Variants in IGSF11 observed in about 807,000 individuals in gnomAD.
The protein encoded by IGSF11 is CXADR like 1.
A neutral mutation model predicts 41.0 loss-of-function variants in IGSF11; 22 were observed. The ratio of observed to expected loss-of-function variants is 0.54; its 90% confidence interval spans 0.38 to 0.77. The LOEUF is 0.77. Among genes scored for constraint, IGSF11 ranks in the 30% least tolerant of loss-of-function variants. IGSF11 has a pLI of 0.00. For missense variants in IGSF11, 444 were observed against 530.8 expected (o/e 0.84, Z 1.61); for synonymous variants, 219 against 201.3 (o/e 1.09, Z -0.74).
chr3:119,057,100 A>G (rs1458837518), intron 1 of IGSF11, among the ~76,000 whole-genome samples: 1 of 152,176 alleles, frequency 6.6e-6, no homozygotes, highest in East Asian at 1.9e-4. Context: ...CCTATTCAAC[A>G]TAGTGTTGGA....
chr3:118,970,652 G>C (rs1933285805), intron 1 of IGSF11, among the ~76,000 whole-genome samples: 1 of 151,652 alleles, frequency 6.6e-6, no homozygotes, highest in Admixed American at 6.6e-5. Flanking sequence ...GCAGCAAAAA[G>C]GATATATTCT....
intron 1 of IGSF11, among the ~76,000 whole-genome samples, chr3:119,065,402 T>A (rs979971011): frequency 6.6e-6 from 1 of 152,242 alleles, no homozygotes; most frequent in Non-Finnish European, 1.5e-5. Flanking sequence ...TGGATTTTTT[T>A]AATGTATCTA....
At chr3:119,016,502 T>C (rs976203189) in intron 1 of IGSF11, among the ~76,000 whole-genome samples, 6 of 152,224 alleles carry the variant, frequency 3.9e-5, no homozygotes, top group Non-Finnish European at 5.9e-5. Flanking sequence ...GATTATTGAC[T>C]ATGCAAGAAA....
chr3:119,087,842 T>C (rs1160317751), intron 1 of IGSF11, among the ~76,000 whole-genome samples: 19 of 152,190 alleles, frequency 1.2e-4, no homozygotes. Flanking sequence ...GGGCATTACA[T>C]AATGATAAAG....
At chr3:118,964,962 A>G (rs746994755) in intron 1 of IGSF11, among the ~76,000 whole-genome samples, 1 of 152,092 alleles carries the variant, frequency 6.6e-6, no homozygotes, top group Non-Finnish European at 1.5e-5. Flanking sequence ...TAAATTTTGT[A>G]TAACTTCCAC....
At chr3:119,096,046 T>TTTTA (rs55923645) in intron 1 of IGSF11, among the ~76,000 whole-genome samples, 25,541 of 151,544 alleles carry the variant, frequency 0.17, 2,575 homozygotes, top group Non-Finnish European at 0.24. Context: ...ATGAAAACTG[T>TTTTA]TTTATTTATT....
chr3:118,956,608 TTTGCTAAGTTTGCCATCTTATATG>T (rs761585783), intron 1 of IGSF11, among the ~76,000 whole-genome samples: 14 of 152,046 alleles, frequency 9.2e-5, no homozygotes, highest in Non-Finnish European at 1.6e-4. Flanking sequence ...ACACACAGCA[TTTGCTAAGTTTGCCATCTTATATG>T]GCTGTTTATG....
chr3:119,119,726 A>T (rs955140332), intron 1 of IGSF11, among the ~76,000 whole-genome samples: 1 of 151,974 alleles, frequency 6.6e-6, no homozygotes, highest in Non-Finnish European at 1.5e-5. Flanking sequence ...TACGGTGACT[A>T]CCTCACTCTG....
chr3:118,915,132 T>C (rs932301446), intron 4 of IGSF11, among the ~76,000 whole-genome samples: 1 of 116,106 alleles, frequency 8.6e-6, no homozygotes, highest in Non-Finnish European at 1.7e-5. Context: ...AGACCAAAAG[T>C]AGATAAAACC....
chr3:119,035,570 C>T (rs1329913396), upstream of IGSF11, among the ~76,000 whole-genome samples: 2 of 152,156 alleles, frequency 1.3e-5, no homozygotes. Context: ...TACATGTTAA[C>T]TAGTGGGGTA....
At chr3:119,035,589 T>A (rs1325816535), upstream of IGSF11, among the ~76,000 whole-genome samples, 1 of 152,258 alleles carries the variant, frequency 6.6e-6, no homozygotes, top group Non-Finnish European at 1.5e-5. Flanking sequence ...TATGTACATT[T>A]ATTGTAATCG....
intron 1 of IGSF11, among the ~76,000 whole-genome samples, chr3:119,125,353 G>C (rs1286485374): frequency 6.6e-6 from 1 of 152,140 alleles, no homozygotes; most frequent in Non-Finnish European, 1.5e-5. Flanking sequence ...GGTGCAAGTG[G>C]GCTGAGTCCG....
At chr3:119,083,506 ACACAC>A (rs2107484313) in intron 1 of IGSF11, among the ~76,000 whole-genome samples, 1 of 40,754 alleles carries the variant, frequency 2.5e-5, no homozygotes, top group East Asian at 8.1e-4. Flanking sequence ...CACAAAGATC[ACACAC>A]ACACACACAC....
At chr3:119,108,800 G>A (rs1368384984), upstream of IGSF11, among the ~76,000 whole-genome samples, 1 of 144,778 alleles carries the variant, frequency 6.9e-6, no homozygotes, top group East Asian at 2.0e-4. Context: ...TAGCATGAAG[G>A]GTTGTTGAAT....
At chr3:118,910,104 T>C (rs1940084117) in intron 4 of IGSF11, among the ~76,000 whole-genome samples, 1 of 152,246 alleles carries the variant, frequency 6.6e-6, no homozygotes. Flanking sequence ...TTCTGTTGAC[T>C]CTGCTTTTAG....
chr3:119,139,150 T>C (rs1219364284), intron 1 of IGSF11, among the ~76,000 whole-genome samples: 1 of 152,018 alleles, frequency 6.6e-6, no homozygotes, highest in African/African-American at 2.4e-5. Context: ...ACACCTACTA[T>C]ATAACCAAAA....
chr3:119,043,698 T>C (rs1272036141), intron 1 of IGSF11, among the ~76,000 whole-genome samples: 1 of 152,178 alleles, frequency 6.6e-6, no homozygotes, highest in Non-Finnish European at 1.5e-5. Flanking sequence ...CTGGTATCCA[T>C]GGCTGGGAGA....
At chr3:119,063,590 C>G (rs1376514736) in intron 1 of IGSF11, among the ~76,000 whole-genome samples, 1 of 152,172 alleles carries the variant, frequency 6.6e-6, no homozygotes, top group Non-Finnish European at 1.5e-5. Flanking sequence ...AAAATACTTT[C>G]TCTTAGCCAG....
chr3:118,987,631 A>G (rs1935388144), intron 1 of IGSF11, among the ~76,000 whole-genome samples: 1 of 152,264 alleles, frequency 6.6e-6, no homozygotes, highest in Non-Finnish European at 1.5e-5. Context: ...CCAGGCAAAG[A>G]GCCCAACATC....
Sources: allele counts gnomAD v4.1 joint callset (sites outside exome capture counted in the v4.1 genomes callset), GRCh38; gene constraint gnomAD v4.1.1; transcripts MANE v1.5; gene names NCBI Gene and HGNC (gene_info 2026-07-23, HGNC 2026-07-21).